The following POF1B variants were observed in gnomAD, a reference collection of about 807,000 sequenced individuals.
POF1B encodes POF1B actin binding protein.
Under a neutral mutation model 55.3 loss-of-function variants are expected in POF1B, and 53 were observed. The observed-to-expected ratio is 0.96, with a 90% confidence interval of 0.77 to 1.20. The LOEUF (loss-of-function observed/expected upper bound fraction) is 1.20, where lower values mean the gene tolerates loss of function less well. Ranked by LOEUF, POF1B falls within the 50% of genes most tolerant of loss-of-function variation. The pLI, the probability that POF1B is intolerant of heterozygous loss-of-function variation, is 0.00. For missense variants in POF1B, 478 were observed against 420.5 expected, an observed-to-expected ratio of 1.14 and a Z score of -1.20; for synonymous variants, 188 against 148.3, an observed-to-expected ratio of 1.27 and a Z score of -1.95.
rs183978575 is a variant in POF1B, at chrX:85,345,269, T to C, written c.723+591A>G. ...GCAGATGTTTATAAGATTCCAAAAT[T>C]TTCATAACATAAATTAATTACCAAG... On this transcript the variant is annotated intron_variant, in intron 6 of 16. Transcript: ENST00000262753. Among the ~76,000 whole-genome samples the C allele has an allele frequency of 9.4e-4, 105 of 111,252 alleles. 1 individual carries two copies. The highest frequency in any genetic ancestry group is 3.0e-3 in the African/African-American group (93 of 30,758).
At chrX:85,341,303 C>A (rs995438328) in intron 6 of POF1B, among the ~76,000 whole-genome samples, 2 of 110,785 alleles carry the variant, frequency 1.8e-5, no homozygotes, top group Non-Finnish European at 3.8e-5. Context: ...CTCTGGGGAT[C>A]AGCTCTGGGT....
At chrX:85,297,592 G>A (rs1487081801) in intron 15 of POF1B, among the ~76,000 whole-genome samples, 1 of 111,756 alleles carries the variant, frequency 8.9e-6, no homozygotes, top group East Asian at 2.9e-4. Context: ...GGCAGTGATC[G>A]AGTAGATGAG....
chrX:85,301,297 C>T (rs2147901090), intron 15 of POF1B, among the ~76,000 whole-genome samples: 1 of 111,833 alleles, frequency 8.9e-6, no homozygotes, highest in Admixed American at 9.4e-5. Flanking sequence ...AAATTATCAA[C>T]TGATTTCTCA....
intron 5 of POF1B, among the ~76,000 whole-genome samples, chrX:85,348,772 G>A (rs1338139688): frequency 9.0e-6 from 1 of 111,449 alleles, no homozygotes; most frequent in Admixed American, 9.6e-5. Context: ...TCTCTTAAAG[G>A]AGCTAGTCTT....
chrX:85,310,426 G>T (rs1356726817), intron 9 of POF1B, among the ~76,000 whole-genome samples: 1 of 111,674 alleles, frequency 9.0e-6, no homozygotes, highest in Non-Finnish European at 1.9e-5. Flanking sequence ...ACAAGACAAA[G>T]AAACAAAAAC....
At chrX:85,359,302 AG>A (rs1296115633) in intron 4 of POF1B, among the ~76,000 whole-genome samples, 1 of 111,298 alleles carries the variant, frequency 9.0e-6, no homozygotes, top group Non-Finnish European at 1.9e-5. Flanking sequence ...GCTATAGAAG[AG>A]GAAAATCTTT....
chrX:85,340,111 T>C (rs747089260), intron 6 of POF1B, among the ~76,000 whole-genome samples: 30 of 110,820 alleles, frequency 2.7e-4, no homozygotes, highest in African/African-American at 9.8e-4. Context: ...GTGGGATAGA[T>C]AAGAATTAGA....
chrX:85,356,391 G>A (rs1414946091), intron 4 of POF1B, among the ~76,000 whole-genome samples: 1 of 108,886 alleles, frequency 9.2e-6, no homozygotes, highest in Non-Finnish European at 1.9e-5. Context: ...CACCAACATG[G>A]CACATGTATA....
At chrX:85,290,105 G>A (rs1247720430) in intron 15 of POF1B, among the ~76,000 whole-genome samples, 2 of 110,726 alleles carry the variant, frequency 1.8e-5, no homozygotes, top group African/African-American at 6.6e-5. Context: ...GCCCTTGCCT[G>A]CCGCCATCTC....
intron 7 of POF1B, among the ~76,000 whole-genome samples, chrX:85,323,356 A>C (rs1421360376): frequency 9.3e-6 from 1 of 107,316 alleles, no homozygotes; most frequent in Admixed American, 1.0e-4. Context: ...CAAAAAACCA[A>C]GCACCGCATG....
At chrX:85,320,511 G>A (rs957412133) in intron 7 of POF1B, among the ~76,000 whole-genome samples, 22 of 110,381 alleles carry the variant, frequency 2.0e-4, no homozygotes, top group South Asian at 7.7e-4. Flanking sequence ...AATTGACACC[G>A]TAACATCACA....
At chrX:85,327,929 G>A (rs930837985) in intron 7 of POF1B, among the ~76,000 whole-genome samples, 15 of 111,461 alleles carry the variant, frequency 1.3e-4, no homozygotes, top group African/African-American at 4.9e-4. Context: ...GGTTTCATGT[G>A]ACAAACTTCC....
chrX:85,291,848 A>AGGATCAT (rs1348378536), intron 15 of POF1B, among the ~76,000 whole-genome samples: 1 of 111,527 alleles, frequency 9.0e-6, no homozygotes, highest in Non-Finnish European at 1.9e-5. Flanking sequence ...TTCTAGATAT[A>AGGATCAT]GGATCATGTC....
At chrX:85,336,002 G>A (rs895835049) in intron 6 of POF1B, among the ~76,000 whole-genome samples, 1 of 107,106 alleles carries the variant, frequency 9.3e-6, no homozygotes, top group Admixed American at 1.0e-4. Context: ...TCTCACCCCC[G>A]CCCCACTAAC....
chrX:85,338,919 G>A (rs933388393), intron 6 of POF1B, among the ~76,000 whole-genome samples: 13 of 111,464 alleles, frequency 1.2e-4, no homozygotes, highest in African/African-American at 4.2e-4. Context: ...TGTCAAGTAG[G>A]CAATTAAAAA....
intron 7 of POF1B, among the ~76,000 whole-genome samples, chrX:85,316,880 T>TC (rs1325762641): frequency 9.0e-6 from 1 of 110,526 alleles, no homozygotes; most frequent in Non-Finnish European, 1.9e-5. Flanking sequence ...CCTCCCACCC[T>TC]CCACCCTCAA....
At chrX:85,324,215 T>C (rs1211727476) in intron 7 of POF1B, among the ~76,000 whole-genome samples, 5 of 112,045 alleles carry the variant, frequency 4.5e-5, no homozygotes, top group Non-Finnish European at 9.4e-5. Context: ...GAGAGTTCTG[T>C]AGCTATCTGT....
At chrX:85,284,844 G>T (rs1316372352) in intron 15 of POF1B, among the ~76,000 whole-genome samples, 3 of 111,943 alleles carry the variant, frequency 2.7e-5, no homozygotes, top group Non-Finnish European at 5.6e-5. Flanking sequence ...CACAGCAAAA[G>T]AAACTACTAT....
At chrX:85,340,298 A>G (rs1933148624) in intron 6 of POF1B, among the ~76,000 whole-genome samples, 1 of 110,989 alleles carries the variant, frequency 9.0e-6, no homozygotes, top group Non-Finnish European at 1.9e-5. Flanking sequence ...AGTCTACACA[A>G]AGCAAAGGAT....
Sources: gnomAD v4.1 joint callset for allele counts (sites outside exome capture counted in the v4.1 genomes callset) on GRCh38, gnomAD v4.1.1 for gene constraint, MANE v1.5 for transcripts, NCBI Gene and HGNC (gene_info 2026-07-23, HGNC 2026-07-21) for gene names.